The following GALNTL6 variants were observed in gnomAD, a reference collection of about 807,000 sequenced individuals.
GALNTL6 encodes the protein polypeptide N-acetylgalactosaminyltransferase like 6.
A neutral mutation model predicts 73.7 loss-of-function variants in GALNTL6; 46 were observed. The observed-to-expected ratio is 0.62, with a 90% confidence interval of 0.49 to 0.80. GALNTL6 has a LOEUF of 0.80. GALNTL6 is among the 30% of genes least tolerant of loss of function. The pLI is 0.00. For missense variants in GALNTL6, 604 were observed against 755.0 expected, an observed-to-expected ratio of 0.80 and a Z score of 2.34; for synonymous variants, 259 against 263.7, an observed-to-expected ratio of 0.98 and a Z score of 0.17.
chr4:171,918,473 T>C (rs1357276384), intron 2 of GALNTL6, among the ~76,000 whole-genome samples: 1 of 152,112 alleles, frequency 6.6e-6, no homozygotes, highest in Admixed American at 6.6e-5. Flanking sequence ...CACTAAGTGA[T>C]ATCAGATGGT....
At chr4:172,393,306 A>G (rs1413321032) in intron 5 of GALNTL6, among the ~76,000 whole-genome samples, 1 of 152,210 alleles carries the variant, frequency 6.6e-6, no homozygotes, top group Non-Finnish European at 1.5e-5. Context: ...GAACTGGGCA[A>G]CATCACCCCT....
chr4:172,141,316 GTTTC>G (rs1733791996), intron 2 of GALNTL6, among the ~76,000 whole-genome samples: 1 of 152,044 alleles, frequency 6.6e-6, no homozygotes, highest in African/African-American at 2.4e-5. Context: ...AACACAACCT[GTTTC>G]TTTCAAGAAT....
At chr4:172,424,017 T>C (rs76540857) in intron 5 of GALNTL6, among the ~76,000 whole-genome samples, 1 of 151,870 alleles carries the variant, frequency 6.6e-6, no homozygotes, top group Non-Finnish European at 1.5e-5. Flanking sequence ...ACATATTTAA[T>C]GTATACAAAA....
rs555900451 is a variant in GALNTL6 at position 172,789,655 on chromosome 4, A to G, written c.554-19706A>G. 3.3e-5 allele frequency among the ~76,000 whole-genome samples: 5 copies of G among 152,276 alleles called. No individual in the cohort carries two copies. In the South Asian group the frequency reaches 1.0e-3, roughly 32 times the overall value. ...TCCAGGGACCTCCATGTCTTCAGCT[A>G]TCCAAAAGCTTCCAGGATCCAGTCC... On this transcript the variant is annotated intron_variant, in intron 5 of 12. Coordinates refer to ENST00000506823, the MANE Select transcript of GALNTL6 (RefSeq NM_001034845.3).
At chr4:172,147,980 C>T (rs574705067) in intron 2 of GALNTL6, among the ~76,000 whole-genome samples, 7 of 152,080 alleles carry the variant, frequency 4.6e-5, no homozygotes, top group South Asian at 2.1e-4. Context: ...TTATAAGAAA[C>T]GTATTTATTT....
At chr4:172,111,065 G>T (rs966509183) in intron 2 of GALNTL6, among the ~76,000 whole-genome samples, 2 of 151,834 alleles carry the variant, frequency 1.3e-5, no homozygotes, top group African/African-American at 4.8e-5. Context: ...TCTTCAAAGA[G>T]CCCTCTTCTC....
At chr4:172,690,688 C>T (rs1002965516) in intron 5 of GALNTL6, among the ~76,000 whole-genome samples, 1 of 152,158 alleles carries the variant, frequency 6.6e-6, no homozygotes, top group Non-Finnish European at 1.5e-5. Context: ...TGACCAAATG[C>T]ACTTGAGATA....
chr4:171,959,935 T>C (rs78305704), intron 2 of GALNTL6, among the ~76,000 whole-genome samples: 5,633 of 152,282 alleles, frequency 0.037, 298 homozygotes, highest in African/African-American at 0.11. Flanking sequence ...TTAAAAAGAA[T>C]AGAAAGCAAG....
At chr4:171,908,190 C>T (rs1725729196) in intron 2 of GALNTL6, among the ~76,000 whole-genome samples, 1 of 152,052 alleles carries the variant, frequency 6.6e-6, no homozygotes, top group Non-Finnish European at 1.5e-5. Flanking sequence ...AAAGAAACTA[C>T]CATCAGAGTG....
At chr4:171,981,933 A>G (rs1339298907) in intron 2 of GALNTL6, among the ~76,000 whole-genome samples, 1 of 152,042 alleles carries the variant, frequency 6.6e-6, no homozygotes, top group Non-Finnish European at 1.5e-5. Flanking sequence ...CTACAGATCT[A>G]TTCCTGAAAG....
intron 5 of GALNTL6, among the ~76,000 whole-genome samples, chr4:172,788,589 G>A (rs1306502483): frequency 2.0e-5 from 3 of 149,684 alleles, no homozygotes; most frequent in Non-Finnish European, 4.4e-5. Flanking sequence ...GGAGAATGCC[G>A]TGAAACCGGG....
At chr4:172,527,815 A>AACATTATATATTTTTGTTATGTTCC (rs1735014653) in intron 5 of GALNTL6, among the ~76,000 whole-genome samples, 2 of 152,124 alleles carry the variant, frequency 1.3e-5, no homozygotes, top group Admixed American at 6.6e-5. Context: ...ATGAGGTTGA[A>AACATTATATATTTTTGTTATGTTCC]ACATTATATA....
chr4:172,308,810 A>T (rs1437003334), intron 3 of GALNTL6, among the ~76,000 whole-genome samples: 1 of 152,210 alleles, frequency 6.6e-6, no homozygotes, highest in African/African-American at 2.4e-5. Context: ...CTAATTTCTA[A>T]CTATGGAAGT....
At chr4:172,766,537 G>A (rs1280284897) in intron 5 of GALNTL6, among the ~76,000 whole-genome samples, 1 of 152,042 alleles carries the variant, frequency 6.6e-6, no homozygotes, top group African/African-American at 2.4e-5. Context: ...TTACTTAAAT[G>A]TCCAAGTAAG....
At chr4:172,540,014 G>A (rs1292726898) in intron 5 of GALNTL6, among the ~76,000 whole-genome samples, 1 of 148,382 alleles carries the variant, frequency 6.7e-6, no homozygotes, top group African/African-American at 2.5e-5. Flanking sequence ...ACCTGTCAAA[G>A]GTCATACAGC....
At chr4:172,235,264 G>A (rs1408043010) in intron 3 of GALNTL6, among the ~76,000 whole-genome samples, 3 of 152,048 alleles carry the variant, frequency 2.0e-5, no homozygotes, top group Admixed American at 1.3e-4. Context: ...CTGGAGTGCA[G>A]TGGTGTGATC....
At chr4:172,864,582 T>A (rs1365955701) in intron 7 of GALNTL6, among the ~76,000 whole-genome samples, 1 of 152,222 alleles carries the variant, frequency 6.6e-6, no homozygotes, top group South Asian at 2.1e-4. Flanking sequence ...AGCCATGATA[T>A]CTCTATTTCA....
intron 5 of GALNTL6, among the ~76,000 whole-genome samples, chr4:172,499,457 A>G (rs549346537): frequency 7.1e-4 from 108 of 152,360 alleles, no homozygotes; most frequent in African/African-American, 2.5e-3. Context: ...AATGTTTGTT[A>G]CTTAAGCTAC....
At chr4:172,977,680 ACT>A (rs1364493177) in intron 10 of GALNTL6, among the ~76,000 whole-genome samples, 1 of 151,832 alleles carries the variant, frequency 6.6e-6, no homozygotes, top group East Asian at 1.9e-4. Context: ...CACTAGGGAG[ACT>A]CTATGGGAGT....
Sources: allele counts gnomAD v4.1 joint callset (sites outside exome capture counted in the v4.1 genomes callset), GRCh38; gene constraint gnomAD v4.1.1; transcripts MANE v1.5; gene names NCBI Gene and HGNC (gene_info 2026-07-23, HGNC 2026-07-21).